STK32B: variants seen among roughly 807,000 people sequenced by gnomAD.
The protein encoded by STK32B is serine/threonine kinase 32B.
STK32B carries 43 observed loss-of-function variants against 52.6 expected under a neutral mutation model. The observed-to-expected ratio is 0.82, with a 90% CI of 0.64 to 1.05. The LOEUF (loss-of-function observed/expected upper bound fraction) is 1.05. Ranked by LOEUF, STK32B falls within the 50% of genes least tolerant of loss-of-function variation. The pLI, the probability that STK32B is intolerant of heterozygous loss-of-function variation, is 0.00. For missense variants in STK32B, 621 were observed against 534.6 expected (o/e 1.16, Z -1.59); for synonymous variants, 238 against 204.3 (o/e 1.17, Z -1.41).
chr4:5,036,034 G>A, the STK32B span, among the ~76,000 whole-genome samples: 40 of 151,934 alleles, frequency 2.6e-4, 1 homozygote, highest in African/African-American at 7.0e-4. Context: ...CACCGGCCTC[G>A]GCCTCCCAAA....
rs868145069 is a variant in STK32B at position 5,492,787 on chromosome 4, G to C, written c.1107-6158G>C. On this transcript the variant is annotated intron_variant, in intron 11 of 11. Transcript: ENST00000282908. ...TTTCTTGAGAGTTTTTAGCATGAAGGGTTGTTGAATTTTGTCAAAGGCCTT... is the reference window on the plus strand; with the variant it reads ...TTTCTTGAGAGTTTTTAGCATGAAGCGTTGTTGAATTTTGTCAAAGGCCTT... 5.7e-4 allele frequency among the ~76,000 whole-genome samples: 86 copies of C among 151,354 alleles called. 6 individuals carry two copies. In the Middle Eastern group the frequency reaches 0.014, roughly 24 times the overall value.
chr4:5,142,920 C>G (rs1716585480), intron 2 of STK32B, among the ~76,000 whole-genome samples: 1 of 152,156 alleles, frequency 6.6e-6, no homozygotes, highest in Non-Finnish European at 1.5e-5. Context: ...GAGAAAAAGG[C>G]TGACTTCCCT....
At chr4:5,199,206 A>C (rs1254365969) in intron 3 of STK32B, among the ~76,000 whole-genome samples, 1 of 152,228 alleles carries the variant, frequency 6.6e-6, no homozygotes, top group Non-Finnish European at 1.5e-5. Flanking sequence ...GTATTACTTT[A>C]ATTGAACATG....
At chr4:5,290,756 T>C (rs141898803) in intron 3 of STK32B, among the ~76,000 whole-genome samples, 1,936 of 68,340 alleles carry the variant, frequency 0.028, 31 homozygotes, top group African/African-American at 0.095. Flanking sequence ...AAAACTTAAA[T>C]AAGATATACA....
chr4:5,032,459 A>G, the STK32B span, among the ~76,000 whole-genome samples: 1 of 146,204 alleles, frequency 6.8e-6, no homozygotes, highest in African/African-American at 2.6e-5. Context: ...CCTGGACGGC[A>G]AAGCAAGACT....
intron 3 of STK32B, among the ~76,000 whole-genome samples, chr4:5,241,068 AAATTAT>A (rs1324760780): frequency 6.6e-6 from 1 of 152,098 alleles, no homozygotes; most frequent in Non-Finnish European, 1.5e-5. Flanking sequence ...TCATCTATTA[AAATTAT>A]ATCATAGTTT....
upstream of STK32B, among the ~76,000 whole-genome samples, chr4:5,051,199 C>T (rs1042435257): frequency 5.3e-5 from 8 of 152,134 alleles, no homozygotes; most frequent in African/African-American, 1.7e-4. Context: ...GCCCCTCTAC[C>T]TCTAGACCTC....
chr4:5,101,818 T>C (rs1713803379), intron 1 of STK32B, among the ~76,000 whole-genome samples: 1 of 152,202 alleles, frequency 6.6e-6, no homozygotes, highest in East Asian at 1.9e-4. Flanking sequence ...ACGCATCCTG[T>C]CAGTAAAATT....
In STK32B at chr4:5,495,815, A is replaced by G. The variant is rs892590237; in HGVS notation, c.1107-3130A>G. 6.3e-4 allele frequency among the ~76,000 whole-genome samples: 96 copies of G among 152,174 alleles called. 2 individuals carry two copies. Among genetic ancestry groups the G allele is most frequent in the African/African-American group, 2.2e-3 (92 of 41,502 alleles). ...TAACAGACAGGACCCTCAGCTGCAGATCTGTTGGAGTTTGCTAGAGGTCCA... is the reference window on the plus strand; with the variant it reads ...TAACAGACAGGACCCTCAGCTGCAGGTCTGTTGGAGTTTGCTAGAGGTCCA... On this transcript the variant is annotated intron_variant, in intron 11 of 11. Transcript: ENST00000282908.
intron 2 of STK32B, among the ~76,000 whole-genome samples, chr4:5,164,654 C>T (rs1005413668): frequency 6.6e-6 from 1 of 152,180 alleles, no homozygotes; most frequent in African/African-American, 2.4e-5. Flanking sequence ...TAGCTTTACA[C>T]TGTATTATCA....
intron 11 of STK32B, among the ~76,000 whole-genome samples, chr4:5,492,752 C>G (rs1719853823): frequency 1.3e-5 from 2 of 151,378 alleles, no homozygotes; most frequent in Non-Finnish European, 1.5e-5. Context: ...TACGTCCCAT[C>G]AATACCAAAT....
At chr4:5,414,888 C>T (rs2109068523) in intron 5 of STK32B, among the ~76,000 whole-genome samples, 1 of 152,210 alleles carries the variant, frequency 6.6e-6, no homozygotes, top group South Asian at 2.1e-4. Flanking sequence ...AATGAAAATA[C>T]CAAACTTTTG....
At position 5,398,243 on chromosome 4, in the gene STK32B, C is replaced by T. The variant is rs146665039; in HGVS notation, c.471C>T (p.His157=). 188 of 1,613,910 alleles carry T rather than the reference C, an allele frequency of 1.2e-4. No homozygotes were observed. Among genetic ancestry groups the T allele is most frequent in the South Asian group, 7.7e-4 (70 of 91,058 alleles). Residue 157 remains histidine, a splice_region_variant and synonymous_variant, in exon 5 of 12, where the codon CAC becomes CAT. Transcript: ENST00000282908. The surrounding 1 kb of genome is among the most constrained non-coding windows in gnomAD (Gnocchi z 4.9). ...IKPDNILLDE[H]GHVHITDFNI... ...CAGACAATATCCTGCTGGATGAACA[C>T]GGTAAGCCTGCTACTAATCCTTTAC... is the stretch of plus-strand genomic sequence containing the variant.
At chr4:5,133,783 C>T (rs1715908432) in intron 1 of STK32B, among the ~76,000 whole-genome samples, 1 of 152,188 alleles carries the variant, frequency 6.6e-6, no homozygotes, top group South Asian at 2.1e-4. Flanking sequence ...TGGGTGGCCA[C>T]TCTTCAGTGG....
chr4:5,053,996 T>TAAATAAATAAATAAATAAATAAATAA (rs1261153281), intron 1 of STK32B, among the ~76,000 whole-genome samples: 8 of 151,294 alleles, frequency 5.3e-5, no homozygotes, highest in Admixed American at 2.0e-4. Flanking sequence ...AATAAATAAA[T>TAAATAAATAAATAAATAAATAAATAA]AAATAAATAT....
intron 3 of STK32B, among the ~76,000 whole-genome samples, chr4:5,253,787 A>T (rs55792890): frequency 6.6e-6 from 1 of 152,310 alleles, no homozygotes; most frequent in Non-Finnish European, 1.5e-5. Flanking sequence ...GGTGAATTTT[A>T]TATGTTTTTG....
At chr4:5,158,686 G>A (rs986223114) in intron 2 of STK32B, among the ~76,000 whole-genome samples, 3 of 152,102 alleles carry the variant, frequency 2.0e-5, no homozygotes, top group Non-Finnish European at 4.4e-5. Context: ...AGGAATTGGC[G>A]GGGTTGGATT....
At chr4:5,059,162 C>CA (rs1742125065) in intron 1 of STK32B, among the ~76,000 whole-genome samples, 1 of 147,794 alleles carries the variant, frequency 6.8e-6, no homozygotes. Flanking sequence ...CTCAGCCTAC[C>CA]AAAGTGCTGA....
chr4:5,384,283 G>T (rs181104890), intron 4 of STK32B, among the ~76,000 whole-genome samples: 2 of 152,348 alleles, frequency 1.3e-5, no homozygotes, highest in Admixed American at 1.3e-4. Flanking sequence ...GGAGAGGAAA[G>T]GGAAGATGCA....
Sources: gnomAD v4.1 joint callset for allele counts (sites outside exome capture counted in the v4.1 genomes callset) on GRCh38, gnomAD v4.1.1 for gene constraint, Gnocchi (gnomAD v3.1) non-coding constraint, MANE v1.5 for transcripts, NCBI Gene and HGNC (gene_info 2026-07-23, HGNC 2026-07-21) for gene names.